The following JMJD1C variants were observed in gnomAD, a reference collection of about 807,000 sequenced individuals.
JMJD1C encodes jumonji domain containing 1C, also known as jumonji domain-containing protein 1C.
A neutral mutation model predicts 245.3 loss-of-function variants in JMJD1C; 31 were observed. The observed-to-expected ratio is 0.13, with a 90% confidence interval of 0.09 to 0.17. The LOEUF (loss-of-function observed/expected upper bound fraction) is 0.17. Among genes scored for constraint, JMJD1C ranks in the 10% least tolerant of loss-of-function variants. JMJD1C has a pLI of 1.00. For missense variants in JMJD1C, 2,691 were observed against 3,000.2 expected (o/e 0.90, Z 2.41); for synonymous variants, 1,057 against 1,017.4 (o/e 1.04, Z -0.74).
intron 2 of JMJD1C, among the ~76,000 whole-genome samples, chr10:63,267,402 AAT>A (rs1264982193): frequency 1.3e-5 from 2 of 152,200 alleles, no homozygotes; most frequent in Non-Finnish European, 2.9e-5. Flanking sequence ...TAAGTTTAAA[AAT>A]AATAAAAAAC....
chr10:63,382,765 A>G, intron 1 of JMJD1C: 1 of 455,888 alleles, frequency 2.2e-6, no homozygotes, highest in Admixed American at 2.4e-5. Flanking sequence ...TTATATTTTT[A>G]TCCTAATTCT....
At chr10:63,347,476 T>A (rs572400851) in intron 2 of JMJD1C, among the ~76,000 whole-genome samples, 1 of 150,974 alleles carries the variant, frequency 6.6e-6, no homozygotes, top group Admixed American at 6.6e-5. Context: ...TCCCAGCTAC[T>A]TGGGAGGCTG....
intron 2 of JMJD1C, among the ~76,000 whole-genome samples, chr10:63,369,396 G>A (rs1246410563): frequency 6.6e-6 from 1 of 152,064 alleles, no homozygotes; most frequent in Non-Finnish European, 1.5e-5. Flanking sequence ...CCCCACCTCA[G>A]CCTCCCAAAG....
chr10:63,288,470 TTTGGGG>T (rs1232179436), intron 2 of JMJD1C, among the ~76,000 whole-genome samples: 2 of 152,176 alleles, frequency 1.3e-5, no homozygotes, highest in African/African-American at 4.8e-5. Flanking sequence ...ATGTTTAGGT[TTTGGGG>T]TAGATGTGTT....
Position 63,207,798 on chromosome 10 carries a change from C to T in JMJD1C, c.3871G>A (p.Val1291Met), listed in dbSNP as rs1222844859. The stretch of plus-strand genomic sequence containing the variant: ...TGTAACTTTCCGCTGCTTTTCTCCA[C>T]ATGCCATTCAGTTTTCTCTTTGCTG... ...NLSKEKTEWH[V>M]EKSSGKLQAA... Residue 1291 changes from valine to methionine, a missense_variant, in exon 10 of 26, where the codon GTG (valine) becomes ATG (methionine). Transcript: ENST00000399262. 1 of 1,614,206 alleles carries T rather than the reference C, an allele frequency of 6.2e-7. No homozygotes were observed. Among genetic ancestry groups the T allele is most frequent in the African/African-American group, 1.3e-5 (1 of 75,056 alleles).
In JMJD1C at chr10:63,326,121, A is replaced by G. The variant is rs372941456; in HGVS notation, c.333+54197T>C. The stretch of plus-strand genomic sequence containing the variant: ...AATGAGCAACATGAATAGGTGACAA[A>G]TAAGAAATGACATTTGTAATTGACG... On this transcript the variant is annotated intron_variant, in intron 2 of 25. Transcript: ENST00000399262. 3.3e-5 allele frequency among the ~76,000 whole-genome samples: 5 copies of G among 152,340 alleles called. No homozygotes were observed. In the East Asian group the frequency reaches 5.8e-4, roughly 18 times the overall value.
chr10:63,236,155 A>T (rs1850703849), intron 3 of JMJD1C, among the ~76,000 whole-genome samples: 1 of 152,216 alleles, frequency 6.6e-6, no homozygotes, highest in Non-Finnish European at 1.5e-5. Flanking sequence ...ATATTACATT[A>T]ACAGCTATTA....
chr10:63,448,843 C>T (rs1056537643), intron 1 of JMJD1C, among the ~76,000 whole-genome samples: 15 of 152,060 alleles, frequency 9.9e-5, no homozygotes, highest in South Asian at 2.1e-4. Flanking sequence ...GGAGGTCGGG[C>T]GCGGTGGCTC....
chr10:63,461,841 CAAAT>C (rs1026479557), intron 1 of JMJD1C, among the ~76,000 whole-genome samples: 7 of 151,932 alleles, frequency 4.6e-5, no homozygotes, highest in African/African-American at 9.7e-5. Flanking sequence ...GATAGATAAG[CAAAT>C]AAATAAATCA....
chr10:63,249,010 T>C (rs1852674391), intron 3 of JMJD1C, among the ~76,000 whole-genome samples: 1 of 152,144 alleles, frequency 6.6e-6, no homozygotes, highest in Non-Finnish European at 1.5e-5. Flanking sequence ...CACTGATATG[T>C]GGGAGGTTAA....
Position 63,420,610 on chromosome 10 carries a change from G to A in JMJD1C, c.169-40128C>T, listed in dbSNP as rs565540873. Among the ~76,000 whole-genome samples, 8 of 151,118 alleles carry A rather than the reference G, an allele frequency of 5.3e-5. No individual in the cohort carries two copies. In the East Asian group the frequency reaches 1.4e-3, roughly 26 times the overall value. On this transcript the variant is annotated intron_variant, in intron 1 of 25. Coordinates refer to ENST00000399262, the MANE Select transcript of JMJD1C (RefSeq NM_032776.3). ...GTCCCAGCTACATGGGGGGTGGGGG[G>A]CGCGGGGCAGGGTCTGAGGCAGGAG...
chr10:63,470,340 G>A (rs1437637214), upstream of JMJD1C, among the ~76,000 whole-genome samples: 1 of 152,116 alleles, frequency 6.6e-6, no homozygotes. Context: ...GAGGAACTTA[G>A]AATCTCGGAC....
intron 2 of JMJD1C, among the ~76,000 whole-genome samples, chr10:63,269,434 C>T (rs1297623358): frequency 1.3e-5 from 2 of 152,194 alleles, no homozygotes; most frequent in Non-Finnish European, 2.9e-5. Flanking sequence ...AGTTTACTGT[C>T]TCCTTCATAA....
intron 1 of JMJD1C, among the ~76,000 whole-genome samples, chr10:63,441,157 A>G (rs931140836): frequency 6.6e-6 from 1 of 152,166 alleles, no homozygotes; most frequent in Non-Finnish European, 1.5e-5. Context: ...AAAGAACTGA[A>G]AGCTCTCTTT....
At chr10:63,254,756 C>T (rs1162197028) in intron 3 of JMJD1C, among the ~76,000 whole-genome samples, 2 of 152,036 alleles carry the variant, frequency 1.3e-5, no homozygotes, top group Non-Finnish European at 2.9e-5. Flanking sequence ...TGCCATGCTG[C>T]TCAGGCTGGT....
At chr10:63,436,388 C>A (rs1425901362) in intron 1 of JMJD1C, among the ~76,000 whole-genome samples, 1 of 152,156 alleles carries the variant, frequency 6.6e-6, no homozygotes, top group Admixed American at 6.6e-5. Context: ...CTTAAAATCT[C>A]CTTTGAAGCT....
At chr10:63,375,005 T>C (rs1367919207) in intron 2 of JMJD1C, among the ~76,000 whole-genome samples, 1 of 152,124 alleles carries the variant, frequency 6.6e-6, no homozygotes, top group Non-Finnish European at 1.5e-5. Flanking sequence ...TTAAATGCTA[T>C]TTGTCTTTTT....
intron 2 of JMJD1C, among the ~76,000 whole-genome samples, chr10:63,314,412 T>G (rs1417801114): frequency 2.0e-5 from 3 of 152,170 alleles, no homozygotes; most frequent in African/African-American, 7.2e-5. Context: ...ATGCAAAAGT[T>G]AGCCAGCCAT....
intron 2 of JMJD1C, among the ~76,000 whole-genome samples, chr10:63,327,282 C>A (rs900769859): frequency 6.6e-6 from 1 of 152,174 alleles, no homozygotes; most frequent in Non-Finnish European, 1.5e-5. Context: ...CTTAAAAATA[C>A]GTTTCTATGT....
Sources: gnomAD v4.1 joint callset for allele counts (sites outside exome capture counted in the v4.1 genomes callset) on GRCh38, gnomAD v4.1.1 for gene constraint, MANE v1.5 for transcripts, NCBI Gene and HGNC (gene_info 2026-07-23, HGNC 2026-07-21) for gene names.